Variants in MREG observed in about 807,000 individuals in gnomAD.
MREG encodes the protein dilute suppressor protein homolog.
A neutral mutation model predicts 28.5 loss-of-function variants in MREG; 31 were observed. That is an observed-to-expected ratio of 1.09 (90% CI 0.82 to 1.47). The LOEUF (loss-of-function observed/expected upper bound fraction) is 1.47, where lower values mean the gene tolerates loss of function less well. Ranked by LOEUF, MREG falls within the 40% of genes most tolerant of loss-of-function variation. The probability of loss-of-function intolerance (pLI) is 0.00; values close to 1 mark genes in which losing one functional copy is unlikely to be tolerated. For synonymous variants in MREG, 106 were observed against 95.2 expected (o/e 1.11, Z -0.66); for missense variants, 256 against 257.4 (o/e 0.99, Z 0.04).
At chr2:216,025,517 G>C (rs1012554774) in intron 1 of MREG, among the ~76,000 whole-genome samples, 1 of 152,230 alleles carries the variant, frequency 6.6e-6, no homozygotes, top group Admixed American at 6.5e-5. Flanking sequence ...AACTGATTGG[G>C]CCTCAGTCAA....
chr2:216,017,482 A>G (rs1037825891), upstream of MREG, among the ~76,000 whole-genome samples: 2 of 152,186 alleles, frequency 1.3e-5, no homozygotes, highest in East Asian at 1.9e-4. Flanking sequence ...CCTATTTCAG[A>G]TATCATTCAC....
At chr2:215,980,955 T>C (rs555196027) in intron 2 of MREG, among the ~76,000 whole-genome samples, 32 of 151,442 alleles carry the variant, frequency 2.1e-4, no homozygotes, top group South Asian at 2.1e-3. Context: ...AAGGGAAATA[T>C]TAATAACAAG....
chr2:215,984,318 C>T (rs1183961153), intron 2 of MREG, among the ~76,000 whole-genome samples: 1 of 152,006 alleles, frequency 6.6e-6, no homozygotes, highest in Non-Finnish European at 1.5e-5. Context: ...TGAGTGGGGA[C>T]ACAGCCAAAC....
At chr2:215,975,417 AG>A (rs1693228972) in intron 2 of MREG, among the ~76,000 whole-genome samples, 2 of 152,198 alleles carry the variant, frequency 1.3e-5, no homozygotes, top group South Asian at 4.1e-4. Context: ...CTAGATTGAC[AG>A]CAAAACTGCT....
intron 2 of MREG, 75 bp downstream of exon 2, chr2:215,996,231 G>A (rs1488389016): frequency 2.2e-6 from 3 of 1,383,918 alleles, no homozygotes; most frequent in Non-Finnish European, 1.9e-6. Context: ...TTATTTCAAG[G>A]GGATCTTCTC....
At chr2:215,954,445 AACAC>A (rs3078454) in intron 2 of MREG, among the ~76,000 whole-genome samples, 65 of 136,600 alleles carry the variant, frequency 4.8e-4, no homozygotes, top group East Asian at 2.8e-3. Context: ...ATCTGTGTAC[AACAC>A]ACACACACAC....
chr2:216,013,988 C>T (rs987529436), upstream of MREG, among the ~76,000 whole-genome samples: 1 of 151,812 alleles, frequency 6.6e-6, no homozygotes, highest in Non-Finnish European at 1.5e-5. Flanking sequence ...CTTAAATAGC[C>T]CCTATTTGTG....
intron 1 of MREG, among the ~76,000 whole-genome samples, chr2:216,003,142 T>TGG (rs540581023): frequency 1.3e-5 from 2 of 152,016 alleles, no homozygotes; most frequent in African/African-American, 4.8e-5. Flanking sequence ...AGCTGGGGTG[T>TGG]CGGGGGGCGA....
chr2:216,015,158 TGCGC>T (rs1002309420), upstream of MREG, among the ~76,000 whole-genome samples: 22 of 67,420 alleles, frequency 3.3e-4, no homozygotes, highest in African/African-American at 2.0e-3. Context: ...TGCGTACGTG[TGCGC>T]GCGCGCGTGC....
intron 2 of MREG, among the ~76,000 whole-genome samples, chr2:215,950,039 G>A (rs1192222131): frequency 6.6e-6 from 1 of 152,168 alleles, no homozygotes; most frequent in African/African-American, 2.4e-5. Flanking sequence ...CTGCTTTCTG[G>A]ACTTCATGAA....
intron 2 of MREG, among the ~76,000 whole-genome samples, chr2:215,953,938 G>T (rs1382640435): frequency 6.6e-6 from 1 of 152,210 alleles, no homozygotes; most frequent in South Asian, 2.1e-4. Context: ...ATCTAGCAGG[G>T]AATAGATAGG....
chr2:216,004,869 G>A (rs1694109033), intron 1 of MREG, among the ~76,000 whole-genome samples: 1 of 152,212 alleles, frequency 6.6e-6, no homozygotes, highest in Admixed American at 6.5e-5. Context: ...ACTGTTTTAA[G>A]AGAGTGGTCA....
chr2:216,006,030 A>G (rs558458231), intron 1 of MREG, among the ~76,000 whole-genome samples: 12 of 152,224 alleles, frequency 7.9e-5, no homozygotes, highest in Non-Finnish European at 1.6e-4. Context: ...TTCAGGTGCT[A>G]ACAGAATAAA....
At chr2:216,028,389 G>A (rs892135396) in intron 1 of MREG, among the ~76,000 whole-genome samples, 10 of 151,954 alleles carry the variant, frequency 6.6e-5, no homozygotes, top group African/African-American at 1.9e-4. Flanking sequence ...TTAGCTGGGC[G>A]TGGTGGCGGG....
At chr2:215,949,177 C>G (rs1314517365) in intron 2 of MREG, among the ~76,000 whole-genome samples, 1 of 149,404 alleles carries the variant, frequency 6.7e-6, no homozygotes, top group Non-Finnish European at 1.5e-5. Context: ...GCAGGAGAAT[C>G]ACTTCAACTC....
chr2:216,030,480 G>C (rs1017287047), intron 1 of MREG, among the ~76,000 whole-genome samples: 1 of 152,140 alleles, frequency 6.6e-6, no homozygotes, highest in African/African-American at 2.4e-5. Context: ...GCATGGAAAG[G>C]GCTTAGCAGT....
chr2:216,019,480 T>C (rs1263428080), intron 1 of MREG, among the ~76,000 whole-genome samples: 1 of 151,930 alleles, frequency 6.6e-6, no homozygotes, highest in Non-Finnish European at 1.5e-5. Context: ...TTTCCCATAA[T>C]GCAAAGGACT....
In MREG at chr2:216,013,537, T is replaced by C. The variant is rs1368000736; in HGVS notation, c.-210A>G. On this transcript the variant is annotated 5_prime_UTR_variant, in exon 1 of 5. Transcript: ENST00000263268. ...CGCCCTCCTCTCCTTGCGTTTTGTT[T>C]GGGGCGTGAGTTTTCTTCGGGCTTT... 7.6e-5 allele frequency: 13 copies of C among 171,460 alleles called. No homozygotes were observed. The highest frequency in any genetic ancestry group is 1.4e-4 in the Non-Finnish European group (11 of 80,714). The allele number at this position is 171,460 out of a possible 1,614,324, so 10.6% of individuals were successfully genotyped here.
At chr2:216,006,004 A>G (rs909693742) in intron 1 of MREG, among the ~76,000 whole-genome samples, 2 of 152,218 alleles carry the variant, frequency 1.3e-5, no homozygotes, top group Admixed American at 1.3e-4. Context: ...AGATTTATTA[A>G]CCAGACTAAA....
Sources: allele counts gnomAD v4.1 joint callset (sites outside exome capture counted in the v4.1 genomes callset), GRCh38; gene constraint gnomAD v4.1.1; transcripts MANE v1.5; gene names NCBI Gene and HGNC (gene_info 2026-07-23, HGNC 2026-07-21).